The following WDR41 variants were observed in gnomAD, a reference collection of about 807,000 sequenced individuals.
WDR41 encodes WD repeat-containing protein 41.
Under a neutral mutation model 69.3 loss-of-function variants are expected in WDR41, and 63 were observed. The ratio of observed to expected loss-of-function variants is 0.91; its 90% CI spans 0.74 to 1.12. The LOEUF (loss-of-function observed/expected upper bound fraction) is 1.12. Ranked by LOEUF, WDR41 falls within the 50% of genes most tolerant of loss-of-function variation. The pLI, the probability that WDR41 is intolerant of heterozygous loss-of-function variation, is 0.00. For missense variants in WDR41, 543 were observed against 534.5 expected (o/e 1.02, Z -0.16); for synonymous variants, 185 against 192.1 (o/e 0.96, Z 0.31).
chr5:77,618,294 A>C (rs556000776), intron 1 of WDR41, among the ~76,000 whole-genome samples: 1 of 152,360 alleles, frequency 6.6e-6, no homozygotes, highest in African/African-American at 2.4e-5. Context: ...TGTCTGGCAT[A>C]GGAAAAACTG....
At chr5:77,435,036 G>C (rs931519980) in intron 12 of WDR41, among the ~76,000 whole-genome samples, 5 of 152,152 alleles carry the variant, frequency 3.3e-5, no homozygotes, top group Non-Finnish European at 7.3e-5. Flanking sequence ...ACTAGTGTCT[G>C]TTCACAGGAA....
chr5:77,512,001 C>T (rs754976789), intron 1 of WDR41, among the ~76,000 whole-genome samples: 18 of 152,038 alleles, frequency 1.2e-4, no homozygotes, highest in Admixed American at 7.9e-4. Context: ...AGTTAATCAA[C>T]GAATATAATA....
chr5:77,433,055 T>C lies in WDR41; in HGVS notation c.*80A>G. On this transcript the variant is annotated 3_prime_UTR_variant, in exon 13 of 13. Transcript: ENST00000296679. ...CAAAAAAAATTACCAATTTAAGTGA[T>C]CAATATATTAATGGTTTTCAGAGTA... is the stretch of plus-strand genomic sequence containing the variant. The C allele has an allele frequency of 1.4e-6, 2 of 1,404,008 alleles. No individual in the cohort carries two copies. Among genetic ancestry groups the C allele is most frequent in the Non-Finnish European group, 1.9e-6 (2 of 1,060,218 alleles). The allele number at this position is 1,404,008 out of a possible 1,614,324, so 87.0% of individuals were successfully genotyped here.
At chr5:77,550,449 C>T (rs1270249647) in intron 1 of WDR41, among the ~76,000 whole-genome samples, 1 of 152,144 alleles carries the variant, frequency 6.6e-6, no homozygotes, top group Admixed American at 6.5e-5. Flanking sequence ...TGAACAGACA[C>T]TTCCCAAAAG....
intron 1 of WDR41, among the ~76,000 whole-genome samples, chr5:77,497,420 T>A (rs1042630412): frequency 2.0e-5 from 3 of 152,042 alleles, no homozygotes; most frequent in Non-Finnish European, 2.9e-5. Flanking sequence ...AAAACAACCC[T>A]ATTAAAACTG....
chr5:77,565,896 G>T lies in WDR41; in HGVS notation c.42+54583C>A, dbSNP rs78220513. On this transcript the variant is annotated intron_variant, in intron 1 of 5. Coordinates refer to the WDR41 transcript ENST00000509971. ...CATGTTTCTCCTGATAACATCTGAA[G>T]GTGTATTGTAGGTATTCAACACATT... is the stretch of plus-strand genomic sequence containing the variant. Among the ~76,000 whole-genome samples the T allele has an allele frequency of 7.7e-3, 1,171 of 152,244 alleles. 8 individuals are homozygous for T. The highest frequency in any genetic ancestry group is 0.024 in the Middle Eastern group (7 of 294).
At chr5:77,487,330 C>CA (rs1340468758) in intron 2 of WDR41, among the ~76,000 whole-genome samples, 2 of 152,060 alleles carry the variant, frequency 1.3e-5, no homozygotes, top group African/African-American at 4.8e-5. Flanking sequence ...TTTAGCTGTC[C>CA]AAAATCTTAC....
chr5:77,519,631 C>G (rs894641651), intron 1 of WDR41, among the ~76,000 whole-genome samples: 1 of 151,520 alleles, frequency 6.6e-6, no homozygotes, highest in African/African-American at 2.4e-5. Flanking sequence ...AAAAAAACCA[C>G]CTTGGTTTGC....
At chr5:77,512,327 T>TGAGG (rs1477962978) in intron 1 of WDR41, among the ~76,000 whole-genome samples, 1 of 74,034 alleles carries the variant, frequency 1.4e-5, no homozygotes, top group Non-Finnish European at 2.3e-5. Context: ...TTACATGGGG[T>TGAGG]GAGTGAGAGA....
At chr5:77,578,060 CA>C (rs1176372944) in intron 1 of WDR41, among the ~76,000 whole-genome samples, 1 of 152,170 alleles carries the variant, frequency 6.6e-6, no homozygotes, top group African/African-American at 2.4e-5. Flanking sequence ...GCAAGAGTAT[CA>C]TATTGCAAAT....
intron 5 of WDR41, among the ~76,000 whole-genome samples, chr5:77,455,582 C>T (rs1355293354): frequency 6.6e-6 from 1 of 152,134 alleles, no homozygotes; most frequent in Non-Finnish European, 1.5e-5. Flanking sequence ...GTAGTTTCAG[C>T]TCTTACATTT....
At chr5:77,483,546 T>C (rs1430131056) in intron 2 of WDR41, among the ~76,000 whole-genome samples, 1 of 152,000 alleles carries the variant, frequency 6.6e-6, no homozygotes, top group Non-Finnish European at 1.5e-5. Flanking sequence ...TGCATTGATA[T>C]ACTTCTTTTT....
At chr5:77,522,209 A>G (rs1294588110) in intron 1 of WDR41, among the ~76,000 whole-genome samples, 4 of 152,216 alleles carry the variant, frequency 2.6e-5, no homozygotes, top group Non-Finnish European at 5.9e-5. Flanking sequence ...CTGTGGCTCT[A>G]TGTGGTCCAG....
At chr5:77,476,748 G>C (rs1327406970) in intron 2 of WDR41, among the ~76,000 whole-genome samples, 33 of 150,544 alleles carry the variant, frequency 2.2e-4, no homozygotes, top group African/African-American at 7.6e-4. Flanking sequence ...ATCGAGACTA[G>C]GAAGAAACTG....
chr5:77,444,214 C>T lies in WDR41; in HGVS notation c.698-3217G>A, dbSNP rs573480531. 3.9e-5 allele frequency among the ~76,000 whole-genome samples: 6 copies of T among 152,150 alleles called. No homozygotes were observed. In the South Asian group the frequency reaches 1.2e-3, roughly 32 times the overall value. ...ATATTTTTAAGCAGTTTACACATGG[C>T]AAACTAATTCCCAAACAGGTCATTC... is the stretch of plus-strand genomic sequence containing the variant. On this transcript the variant is annotated intron_variant, in intron 8 of 12. Transcript: ENST00000296679.
chr5:77,474,073 G>T (rs1800765604), intron 2 of WDR41, among the ~76,000 whole-genome samples: 1 of 152,118 alleles, frequency 6.6e-6, no homozygotes, highest in Non-Finnish European at 1.5e-5. Flanking sequence ...AAGAAAATGT[G>T]GCACATATAC....
At chr5:77,503,379 G>C (rs1484394807) in intron 1 of WDR41, among the ~76,000 whole-genome samples, 1 of 152,100 alleles carries the variant, frequency 6.6e-6, no homozygotes, top group Non-Finnish European at 1.5e-5. Context: ...CATAAAGCAA[G>C]TCCTGAGTGA....
intron 1 of WDR41, among the ~76,000 whole-genome samples, chr5:77,589,110 T>C (rs566534461): frequency 6.6e-6 from 1 of 152,318 alleles, no homozygotes; most frequent in South Asian, 2.1e-4. Flanking sequence ...CAATTCAAAT[T>C]TTTCAATGCT....
intron 1 of WDR41, among the ~76,000 whole-genome samples, chr5:77,509,226 C>T (rs1802159822): frequency 6.6e-6 from 1 of 152,148 alleles, no homozygotes; most frequent in East Asian, 1.9e-4. Context: ...TTCTGACTTG[C>T]TGCTTCTATC....
Sources: allele counts gnomAD v4.1 joint callset (sites outside exome capture counted in the v4.1 genomes callset), GRCh38; gene constraint gnomAD v4.1.1; transcripts MANE v1.5; gene names NCBI Gene and HGNC (gene_info 2026-07-23, HGNC 2026-07-21).